The following WDR18 variants were observed in gnomAD, a reference collection of about 807,000 sequenced individuals.
WDR18 encodes WD repeat domain 18, also known as WD repeat-containing protein 18.
Under a neutral mutation model 49.6 loss-of-function variants are expected in WDR18, and 33 were observed. The ratio of observed to expected loss-of-function variants is 0.67; its 90% confidence interval spans 0.50 to 0.89. The LOEUF (loss-of-function observed/expected upper bound fraction) is 0.89, where lower values mean the gene tolerates loss of function less well. Among genes scored for constraint, WDR18 ranks in the 40% least tolerant of loss-of-function variants. The pLI is 0.00. For synonymous variants in WDR18, 315 were observed against 263.6 expected (o/e 1.19, Z -1.89); for missense variants, 653 against 593.6 (o/e 1.10, Z -1.04).
Position 992,124 on chromosome 19 carries a change from A to G in WDR18, c.1098+3A>G, listed in dbSNP as rs1455097923. 7 of 1,467,598 alleles carry G rather than the reference A, an allele frequency of 4.8e-6. No homozygotes were observed. Among genetic ancestry groups the G allele is most frequent in the Non-Finnish European group, 6.3e-6 (7 of 1,115,756 alleles). 90.9% of individuals were successfully genotyped at this position (1,467,598 alleles called of 1,614,324 possible). A position where few individuals can be genotyped will look rare whatever the true frequency, so the allele number is the denominator to read the frequency against. On this transcript the variant is annotated splice_donor_region_variant and intron_variant, in intron 8 of 9. Coordinates refer to ENST00000585809, the MANE Select transcript of WDR18 (RefSeq NM_024100.4). ...TGCGCCTGGGCCTCCACCAGCAGGT[A>G]CGGCCCCCAGCAGGGAACCCCCACT... is the stretch of plus-strand genomic sequence containing the variant.
intron 2 of WDR18, 60 bp downstream of exon 2, chr19:986,035 C>T: frequency 1.3e-6 from 2 of 1,535,502 alleles, no homozygotes; most frequent in Non-Finnish European, 1.8e-6. Flanking sequence ...TGAGCTTTGC[C>T]TGCAGGGCAC....
chr19:986,332 A>T (rs1050808870), intron 2 of WDR18, among the ~76,000 whole-genome samples: 5 of 152,196 alleles, frequency 3.3e-5, no homozygotes, highest in African/African-American at 9.6e-5. Context: ...GCAGTGGCTC[A>T]TGCCGGTAGT....
chr19:993,304 C>T (rs1053218702), intron 8 of WDR18, among the ~76,000 whole-genome samples: 2 of 152,264 alleles, frequency 1.3e-5, no homozygotes, highest in African/African-American at 4.8e-5. Context: ...ACGATTCCTG[C>T]CCAGCCAAGC....
At chr19:988,538 G>C (rs2038500284) in intron 2 of WDR18, among the ~76,000 whole-genome samples, 1 of 152,210 alleles carries the variant, frequency 6.6e-6, no homozygotes, top group Non-Finnish European at 1.5e-5. Context: ...GAGGCCCAGA[G>C]AGGGCATGGC....
intron 2 of WDR18, among the ~76,000 whole-genome samples, chr19:987,199 T>C (rs1375096679): frequency 6.6e-6 from 1 of 152,124 alleles, no homozygotes; most frequent in Non-Finnish European, 1.5e-5. Context: ...AAAAATTAGC[T>C]GGGCATGGTG....
Position 994,350 on chromosome 19 carries a change from G to A in WDR18, c.*6G>A, listed in dbSNP as rs375167336. On this transcript the variant is annotated 3_prime_UTR_variant, in exon 10 of 10. Coordinates refer to ENST00000585809, the MANE Select transcript of WDR18 (RefSeq NM_024100.4). ...TCACGCGGCCGGCCAAGTGAGGCCC[G>A]GAGACCCCGGCCCGAGGCGCCCAGG... The A allele has an allele frequency of 3.7e-6, 6 of 1,605,906 alleles. No homozygotes were observed. The highest frequency in any genetic ancestry group is 3.3e-5 in the South Asian group (3 of 90,374).
chr19:994,099 C>T lies in WDR18; in HGVS notation c.1167+11C>T, dbSNP rs1234687195. On this transcript the variant is annotated intron_variant, in intron 9 of 9. Coordinates refer to ENST00000585809, the MANE Select transcript of WDR18 (RefSeq NM_024100.4). ...AGCACCATGGAGAAGGTGGGCGGGGCCTCGGGAGGGGCGGGGCCTGAGGCT... is the reference window on the plus strand; with the variant it reads ...AGCACCATGGAGAAGGTGGGCGGGGTCTCGGGAGGGGCGGGGCCTGAGGCT... 1.7e-5 allele frequency: 26 copies of T among 1,554,304 alleles called. No homozygotes were observed. Among genetic ancestry groups the T allele is most frequent in the African/African-American group, 6.8e-5 (5 of 73,620 alleles).
intron 1 of WDR18, among the ~76,000 whole-genome samples, chr19:985,560 G>A (rs1199162833): frequency 2.0e-5 from 3 of 152,130 alleles, no homozygotes; most frequent in African/African-American, 7.2e-5. Context: ...AGCCTACTGG[G>A]CTCTTGGGCC....
chr19:984,634 G>A, intron 1 of WDR18, 71 bp downstream of exon 1: 2 of 1,343,948 alleles, frequency 1.5e-6, no homozygotes, highest in Non-Finnish European at 1.9e-6. Context: ...GGGTTGGTGG[G>A]GGCCGCGTGC....
chr19:991,871 C>G (rs2038559365), intron 7 of WDR18, 84 bp from the exon 8 acceptor site: 1 of 1,314,766 alleles, frequency 7.6e-7, no homozygotes, highest in South Asian at 1.7e-5. Context: ...GGGGCGGGGA[C>G]TGCCCTGGAT....
chr19:991,326 G>A lies in WDR18; in HGVS notation c.906G>A (p.Gln302=), dbSNP rs377635437. The part of the protein sequence containing the change: ...TVRLWDVQSK[Q]CIRTVALKGP... ...GCCTCTGGGACGTGCAGAGCAAGCA[G>A]TGCATCCGGACGGTGGCCCTCAAAG... The change falls in exon 7 of 10, where the codon CAG becomes CAA. Residue 302 remains glutamine, a synonymous_variant. Transcript: ENST00000585809. The A allele has an allele frequency of 2.4e-4, 381 of 1,557,890 alleles. No homozygotes were observed. Among genetic ancestry groups the A allele is most frequent in the Non-Finnish European group, 3.2e-4 (363 of 1,151,184 alleles).
At chr19:990,802 C>T (rs1313058169) in intron 4 of WDR18, 50 bp from the exon 5 acceptor site, 1 of 1,550,328 alleles carries the variant, frequency 6.5e-7, no homozygotes, top group Non-Finnish European at 8.7e-7. Flanking sequence ...CCATGGGGTC[C>T]TCGGGTTCCC....
chr19:990,121 G>A (rs1016725053), intron 3 of WDR18, 102 bp from the exon 4 acceptor site: 3 of 1,423,312 alleles, frequency 2.1e-6, no homozygotes, highest in Non-Finnish European at 1.9e-6. Flanking sequence ...AGGCCAGGCT[G>A]CTGAGTGGAG....
rs2038564419 is a variant in WDR18 at position 992,033 on chromosome 19, C to T, written c.1010C>T (p.Pro337Leu). Residue 337 changes from proline (P) to leucine (L), a missense_variant, in exon 8 of 10, where the codon CCC (proline) becomes CTC (leucine). By Grantham distance (98) the Pro-to-Leu change is moderately conservative (BLOSUM62 -3). Coordinates refer to ENST00000585809, the MANE Select transcript of WDR18 (RefSeq NM_024100.4). ...GACTTCAGGCCCAGCCTGCCGCTGC[C>T]CCACTTCAACAAGCACCTGCTGGGC... The part of the protein sequence containing the change: ...SSDFRPSLPL[P>L]HFNKHLLGAE... 6.3e-7 allele frequency: 1 copy of T among 1,593,130 alleles called. No homozygotes were observed. The highest frequency in any genetic ancestry group is 1.1e-5 in the South Asian group (1 of 89,548).
chr19:990,691 C>A, intron 4 of WDR18, 161 bp from the exon 5 acceptor site: 1 of 1,111,506 alleles, frequency 9.0e-7, no homozygotes, highest in Non-Finnish European at 1.2e-6. Context: ...CAGGCCATGT[C>A]CCCTGGCCCC....
chr19:991,848 C>A, intron 7 of WDR18, 107 bp from the exon 8 acceptor site: 1 of 1,055,738 alleles, frequency 9.5e-7, no homozygotes, highest in Non-Finnish European at 1.2e-6. Flanking sequence ...GGCTGTGGGG[C>A]GGGGACTGGC....
intron 8 of WDR18, among the ~76,000 whole-genome samples, chr19:993,530 C>T (rs1027114534): frequency 2.6e-5 from 4 of 152,260 alleles, no homozygotes; most frequent in African/African-American, 7.2e-5. Flanking sequence ...CAAGGCGCTT[C>T]GTCCAGGAGG....
At chr19:993,441 C>T (rs1352361520) in intron 8 of WDR18, among the ~76,000 whole-genome samples, 1 of 152,260 alleles carries the variant, frequency 6.6e-6, no homozygotes. Context: ...GTGACGGCTG[C>T]TAGTCCTCTG....
chr19:994,516 C>G lies in WDR18; in HGVS notation c.*172C>G. On this transcript the variant is annotated 3_prime_UTR_variant, in exon 10 of 10. Transcript: ENST00000585809. Reference sequence around the variant, plus strand: ...TCTTGGTGTCTCGTGGCACGCGTCACAGTGGTGCTAGTCTGTTTTTAACAA... The same window carrying G: ...TCTTGGTGTCTCGTGGCACGCGTCAGAGTGGTGCTAGTCTGTTTTTAACAA... 1 of 916,056 alleles carries G rather than the reference C, an allele frequency of 1.1e-6. No homozygotes were observed. 56.7% of individuals were successfully genotyped at this position (916,056 alleles called of 1,614,324 possible).
Sources: allele counts gnomAD v4.1 joint callset (sites outside exome capture counted in the v4.1 genomes callset), GRCh38; gene constraint gnomAD v4.1.1; transcripts MANE v1.5; gene names NCBI Gene and HGNC (gene_info 2026-07-23, HGNC 2026-07-21).